The following CHST6 variants were observed in gnomAD, a reference collection of about 807,000 sequenced individuals.
The protein encoded by CHST6 is carbohydrate sulfotransferase 6.
For synonymous variants in CHST6, 309 were observed against 276.4 expected (o/e 1.12, Z -1.17); for missense variants, 698 against 586.2 (o/e 1.19, Z -1.97).
intron 1 of CHST6, among the ~76,000 whole-genome samples, chr16:75,482,828 G>C (rs991214384): frequency 6.6e-6 from 1 of 152,110 alleles, no homozygotes; most frequent in African/African-American, 2.4e-5. Flanking sequence ...CTCATCAGGA[G>C]GCAACAGGGG....
Position 75,476,748 on chromosome 16 carries a change from CTTT to C in CHST6, c.*1890_*1892del, listed in dbSNP as rs35225560. The C allele has an allele frequency of 7.3e-5, 10 of 136,798 alleles. No homozygotes were observed. Among genetic ancestry groups the C allele is most frequent in the Non-Finnish European group, 9.4e-5 (6 of 63,700 alleles). 8.5% of individuals were successfully genotyped at this position (136,798 alleles called of 1,614,324 possible). On this transcript the variant is annotated 3_prime_UTR_variant, in exon 3 of 3. Transcript: ENST00000332272. The stretch of plus-strand genomic sequence containing the variant: ...AACATTTGTTTATAAGTTACCCAGT[CTTT>C]TTTTTTTTTTTGAGATGGAGTCTTG...
At chr16:75,483,599 T>C (rs1597477804) in intron 1 of CHST6, among the ~76,000 whole-genome samples, 2 of 152,294 alleles carry the variant, frequency 1.3e-5, no homozygotes, top group South Asian at 4.1e-4. Flanking sequence ...TAGGTACTTC[T>C]GTCTTCATGA....
chr16:75,488,711 C>T (rs779555988), intron 1 of CHST6, among the ~76,000 whole-genome samples: 6 of 151,970 alleles, frequency 3.9e-5, no homozygotes, highest in East Asian at 2.0e-4. Flanking sequence ...AGGCCAGGTG[C>T]GGTGGCTCAT....
intron 1 of CHST6, among the ~76,000 whole-genome samples, chr16:75,485,683 G>T (rs1357444147): frequency 2.0e-5 from 3 of 152,134 alleles, no homozygotes; most frequent in African/African-American, 2.4e-5. Context: ...ACAGATAAAG[G>T]TTGGAAAATA....
chr16:75,494,537 A>C (rs1356246855), intron 1 of CHST6, among the ~76,000 whole-genome samples: 1 of 152,184 alleles, frequency 6.6e-6, no homozygotes, highest in Non-Finnish European at 1.5e-5. Context: ...CTGAAGCCCA[A>C]GATGAAGCCG....
Position 75,479,171 on chromosome 16 carries a change from G to A in CHST6, c.658C>T (p.Arg220Cys), listed in dbSNP as rs754155662. The change falls in exon 3 of 3, where the codon CGT becomes TGT. Residue 220 changes from arginine (R) to cysteine (C), a missense_variant. Transcript: ENST00000332272. ...SREQTAKALA[R>C]DNGIVLGTNG... is the part of the protein sequence containing the mutation. The stretch of plus-strand genomic sequence containing the variant: ...GTGCCCAGCACGATGCCGTTGTCAC[G>A]CGCCAGAGCCTTGGCTGTCTGCTCC... The A allele has an allele frequency of 3.7e-6, 6 of 1,607,872 alleles. No homozygotes were observed. The highest frequency in any genetic ancestry group is 1.1e-5 in the South Asian group (1 of 90,972).
chr16:75,485,749 C>T (rs113919807), intron 1 of CHST6, among the ~76,000 whole-genome samples: 9 of 152,150 alleles, frequency 5.9e-5, no homozygotes, highest in South Asian at 2.1e-4. Flanking sequence ...CTCAGGATCC[C>T]GATCCTGGCA....
intron 1 of CHST6, among the ~76,000 whole-genome samples, chr16:75,493,886 C>A (rs1413759471): frequency 6.6e-6 from 1 of 152,118 alleles, no homozygotes; most frequent in Admixed American, 6.6e-5. Flanking sequence ...TCGCTGTTGT[C>A]CAGACTGGAG....
At chr16:75,487,430 T>C (rs1254231604) in intron 1 of CHST6, among the ~76,000 whole-genome samples, 1 of 151,884 alleles carries the variant, frequency 6.6e-6, no homozygotes, top group Non-Finnish European at 1.5e-5. Context: ...TTTGGGAGGC[T>C]GAGGCAGGTG....
chr16:75,489,933 T>C (rs1209307010), intron 1 of CHST6, among the ~76,000 whole-genome samples: 1 of 152,020 alleles, frequency 6.6e-6, no homozygotes, highest in South Asian at 2.1e-4. Context: ...TCCCAGCACT[T>C]TGGGAGGCCG....
intron 1 of CHST6, among the ~76,000 whole-genome samples, chr16:75,490,971 T>G (rs919085349): frequency 6.6e-6 from 1 of 151,752 alleles, no homozygotes; most frequent in African/African-American, 2.4e-5. Context: ...GTGAAAACAC[T>G]GAATATACTA....
rs1434072906 is a variant in CHST6, at chr16:75,474,188, AC to A, written c.*4452del. The A allele has an allele frequency of 6.4e-6, 1 of 156,518 alleles. No individual in the cohort carries two copies. Among genetic ancestry groups the A allele is most frequent in the African/African-American group, 2.4e-5 (1 of 41,692 alleles). The allele number at this position is 156,518 out of a possible 1,614,324, so 9.7% of individuals were successfully genotyped here. ...AAGACTCTGCCTCAAAAAAACAGAA[AC>A]AAAAACATTGTTTTTCTTTGTGAAT... On this transcript the variant is annotated 3_prime_UTR_variant, in exon 3 of 3. Transcript: ENST00000332272.
At chr16:75,486,349 T>G (rs938245718) in intron 1 of CHST6, among the ~76,000 whole-genome samples, 3 of 152,234 alleles carry the variant, frequency 2.0e-5, no homozygotes, top group African/African-American at 7.2e-5. Context: ...TTCTGTCCAC[T>G]CAGTACCCGT....
Position 75,479,150 on chromosome 16 carries a change from C to G in CHST6, c.679G>C (p.Gly227Arg). 6.2e-7 allele frequency: 1 copy of G among 1,607,240 alleles called. No homozygotes were observed. ...ALARDNGIVL[G>R]TNGTWVEADP... Reference sequence around the variant, plus strand: ...GCCTCCACCCACGTGCCGTTGGTGCCCAGCACGATGCCGTTGTCACGCGCC... The same window carrying G: ...GCCTCCACCCACGTGCCGTTGGTGCGCAGCACGATGCCGTTGTCACGCGCC... Residue 227 changes from glycine to arginine, a missense_variant, in exon 3 of 3, where the codon GGC (glycine) becomes CGC (arginine). Gly to Arg is a moderately radical substitution (Grantham distance 125). Coordinates refer to ENST00000332272, the MANE Select transcript of CHST6 (RefSeq NM_021615.5).
rs201349198 is a variant in CHST6, at chr16:75,478,853, C to A, written c.976G>T (p.Ala326Ser). The A allele has an allele frequency of 3.9e-4, 628 of 1,613,492 alleles. 1 individual carries two copies. Among genetic ancestry groups the A allele is most frequent in the Non-Finnish European group, 5.2e-4 (609 of 1,179,976 alleles). The part of the protein sequence containing the change: ...REAFKTSSRN[A>S]LNVSQAWRHA... The stretch of plus-strand genomic sequence containing the variant: ...CGCCAGGCCTGGGAGACGTTGAGCG[C>A]ATTCCTGGACGAAGTCTTGAAGGCT... Residue 326 changes from alanine to serine, a missense_variant, in exon 3 of 3, where the codon GCG (alanine) becomes TCG (serine). Coordinates refer to ENST00000332272, the MANE Select transcript of CHST6 (RefSeq NM_021615.5).
intron 1 of CHST6, among the ~76,000 whole-genome samples, chr16:75,488,833 G>A (rs145243821): frequency 0.039 from 5,967 of 151,294 alleles, 181 homozygotes; most frequent in Admixed American, 0.072. Flanking sequence ...GTTGCAGTGA[G>A]CCTAGATCAC....
rs969674967 is a variant in CHST6 at position 75,478,892 on chromosome 16, C to G, written c.937G>C (p.Gly313Arg). The change falls in exon 3 of 3, where the codon GGT (glycine) becomes CGT (arginine). Residue 313 changes from glycine (G) to arginine (R), a missense_variant. Coordinates refer to ENST00000332272, the MANE Select transcript of CHST6 (RefSeq NM_021615.5). The stretch of plus-strand genomic sequence containing the variant: ...GTCTTGAAGGCTTCGCGGCGCGCAC[C>G]AGGTCCAGATCCGTGGGTGATGTTA... ...IHNITHGSGP[G>R]ARREAFKTSS... is the part of the protein sequence containing the mutation. 6.2e-7 allele frequency: 1 copy of G among 1,613,252 alleles called. No homozygotes were observed. Among genetic ancestry groups the G allele is most frequent in the African/African-American group, 1.3e-5 (1 of 74,944 alleles).
chr16:75,481,267 C>T (rs970351003), intron 2 of CHST6, among the ~76,000 whole-genome samples: 5 of 151,670 alleles, frequency 3.3e-5, no homozygotes, highest in Non-Finnish European at 7.4e-5. Flanking sequence ...TAGAGTGAGA[C>T]TCTGACTCAA....
rs188428946 is a variant in CHST6, at chr16:75,475,573, A to C, written c.*3068T>G. The C allele has an allele frequency of 1.8e-4, 28 of 152,340 alleles. 1 individual carries two copies. Among genetic ancestry groups the C allele is most frequent in the Admixed American group, 1.7e-3 (26 of 15,298 alleles). 9.4% of individuals were successfully genotyped at this position (152,340 alleles called of 1,614,324 possible). On this transcript the variant is annotated 3_prime_UTR_variant, in exon 3 of 3. Transcript: ENST00000332272. ...GAGATATAAGACATACGTGATCAGC[A>C]CAAGTATGTACCTACCCAGCCCTGG...
Sources: gnomAD v4.1 joint callset for allele counts (sites outside exome capture counted in the v4.1 genomes callset) on GRCh38, gnomAD v4.1.1 for gene constraint, MANE v1.5 for transcripts, NCBI Gene and HGNC (gene_info 2026-07-23, HGNC 2026-07-21) for gene names.